Variants in PSMC6 observed in about 807,000 individuals in gnomAD.
The protein encoded by PSMC6 is proteasome 26S subunit, ATPase 6, also known as 26S proteasome regulatory subunit 10B.
PSMC6 carries 3 observed loss-of-function variants against 55.9 expected under a neutral mutation model. That is an observed-to-expected ratio of 0.05 (90% CI 0.02 to 0.14). The LOEUF (loss-of-function observed/expected upper bound fraction) is 0.14, where lower values mean the gene tolerates loss of function less well. Among genes scored for constraint, PSMC6 ranks in the 10% least tolerant of loss-of-function variants. The pLI is 1.00. For synonymous variants in PSMC6, 137 were observed against 155.9 expected (o/e 0.88, Z 0.90); for missense variants, 210 against 478.7 (o/e 0.44, Z 5.24).
chr14:52,721,717 G>A (rs2041892875), intron 12 of PSMC6: 1 of 152,530 alleles, frequency 6.6e-6, no homozygotes, highest in Non-Finnish European at 1.5e-5. Context: ...CAGGCATGAG[G>A]ATATGTTTTT....
At position 52,708,302 on chromosome 14, in the gene PSMC6, A is replaced by C. The variant is rs924919047; in HGVS notation, c.86-7A>C. ...CAATTAAAAATGTTCAAATTGTATT[A>C]TTTCAGTAAGGGAACAATTAAAAGA... On this transcript the variant is annotated splice_region_variant and splice_polypyrimidine_tract_variant and intron_variant, in intron 1 of 13. Transcript: ENST00000445930. 2.5e-6 allele frequency: 4 copies of C among 1,595,536 alleles called. No individual in the cohort carries two copies. In the African/African-American group the frequency reaches 5.4e-5, roughly 21 times the overall value.
chr14:52,723,922 G>A (rs753111290), intron 12 of PSMC6, 43 bp from the exon 13 acceptor site: 8 of 1,602,886 alleles, frequency 5.0e-6, no homozygotes, highest in Non-Finnish European at 6.8e-6. Context: ...ATCAAGTAAA[G>A]GTCTAATTTT....
At chr14:52,714,129 C>T (rs1195255761) in intron 7 of PSMC6, 161 bp downstream of exon 7, 2 of 454,188 alleles carry the variant, frequency 4.4e-6, no homozygotes, top group Non-Finnish European at 7.7e-6. Context: ...CAACCTCTGC[C>T]TTCCGGGCTC....
In PSMC6 at chr14:52,707,301, G is replaced by A; in HGVS notation, c.82G>A (p.Glu28Lys). The change falls in exon 1 of 14, where the codon GAG becomes AAG. Residue 28 changes from glutamate (E) to lysine (K), a missense_variant. Physicochemically the swap from Glu to Lys is moderately conservative, Grantham distance 56. Coordinates refer to ENST00000445930, the MANE Select transcript of PSMC6 (RefSeq NM_002806.5). ...CAAGGAGATCGACGGCCGTCTTAAG[G>A]AGTGTGAGTGCACCTTTCTTTCCAT... ...EHKEIDGRLK[E>K]LREQLKELTK... is the part of the protein sequence containing the mutation. 1 of 1,613,966 alleles carries A rather than the reference G, an allele frequency of 6.2e-7. No homozygotes were observed. The highest frequency in any genetic ancestry group is 8.5e-7 in the Non-Finnish European group (1 of 1,180,022).
chr14:52,721,521 GC>G, intron 12 of PSMC6: 1 of 176,662 alleles, frequency 5.7e-6, no homozygotes, highest in Non-Finnish European at 1.2e-5. Flanking sequence ...AAAGTGGGGG[GC>G]GGGCATGGTG....
intron 13 of PSMC6, among the ~76,000 whole-genome samples, chr14:52,724,981 A>G (rs1427016950): frequency 1.3e-5 from 2 of 152,218 alleles, no homozygotes; most frequent in Admixed American, 1.3e-4. Context: ...GGTATTGGGT[A>G]TGCTGTGAGT....
intron 8 of PSMC6, 40 bp downstream of exon 8, chr14:52,718,182 T>C (rs368897330): frequency 1.2e-6 from 2 of 1,609,330 alleles, no homozygotes; most frequent in Non-Finnish European, 1.7e-6. Context: ...AAATTTAATT[T>C]TACTTGAATT....
Position 52,711,157 on chromosome 14 carries a change from A to G in PSMC6, c.315A>G (p.Leu105=), listed in dbSNP as rs754233733. 56 of 1,613,302 alleles carry G rather than the reference A, an allele frequency of 3.5e-5. No individual in the cohort carries two copies. The highest frequency in any genetic ancestry group is 3.8e-5 in the Non-Finnish European group (45 of 1,179,464). ...GTRVALDMTT[L]TIMRYLPREV... ...GAGTTGCTTTGGATATGACTACACT[A>G]ACTATCATGAGGTGGGTTTCTTATT... The change falls in exon 5 of 14, where the codon CTA becomes CTG. Residue 105 remains leucine (L), a synonymous_variant. Transcript: ENST00000445930.
chr14:52,710,077 GGTCA>G (rs2041750911), intron 4 of PSMC6: 1 of 153,000 alleles, frequency 6.5e-6, no homozygotes, highest in Non-Finnish European at 1.5e-5. Flanking sequence ...TGTGACAAGT[GGTCA>G]GTAATTTATA....
Position 52,717,247 on chromosome 14 carries a change from ATTTAT to A in PSMC6, c.530-831_530-827del, listed in dbSNP as rs2041839770. On this transcript the variant is annotated intron_variant, in intron 7 of 13. Coordinates refer to ENST00000445930, the MANE Select transcript of PSMC6 (RefSeq NM_002806.5). Reference sequence around the variant, plus strand: ...TCATAATTTAACCCATAAATATACAATTTATTTGTCAATTTAAAATAGATTTTAAA... The same window carrying A: ...TCATAATTTAACCCATAAATATACAATTGTCAATTTAAAATAGATTTTAAA... Among the ~76,000 whole-genome samples the A allele has an allele frequency of 2.6e-5, 4 of 152,132 alleles. No individual in the cohort carries two copies. In the South Asian group the frequency reaches 8.3e-4, roughly 32 times the overall value.
chr14:52,710,781 T>G lies in PSMC6; in HGVS notation c.259-320T>G, dbSNP rs1270864717. 3 of 331,134 alleles carry G rather than the reference T, an allele frequency of 9.1e-6. No individual in the cohort carries two copies. The East Asian group carries it at 2.4e-4, about 26-fold the overall frequency. The allele number at this position is 331,134 out of a possible 1,614,324, so 20.5% of individuals were successfully genotyped here. Reference sequence around the variant, plus strand: ...GCTTCCCTTTCCTTTCCCTAAAATGTTCACTAAGGGATTTTTCTATAAATG... The same window carrying G: ...GCTTCCCTTTCCTTTCCCTAAAATGGTCACTAAGGGATTTTTCTATAAATG... On this transcript the variant is annotated intron_variant, in intron 4 of 13. Coordinates refer to ENST00000445930, the MANE Select transcript of PSMC6 (RefSeq NM_002806.5).
intron 7 of PSMC6, among the ~76,000 whole-genome samples, chr14:52,715,785 T>A (rs2041824124): frequency 6.6e-6 from 1 of 151,912 alleles, no homozygotes; most frequent in Non-Finnish European, 1.5e-5. Flanking sequence ...CCAGGCTAAT[T>A]TTTGTGTTTT....
At chr14:52,714,404 G>C (rs1212577126) in intron 7 of PSMC6, among the ~76,000 whole-genome samples, 2 of 152,096 alleles carry the variant, frequency 1.3e-5, no homozygotes, top group African/African-American at 2.4e-5. Context: ...AATGAGATAG[G>C]ATATTTATGT....
chr14:52,723,782 C>T (rs1880288064), intron 12 of PSMC6, 183 bp from the exon 13 acceptor site: 1 of 1,348,606 alleles, frequency 7.4e-7, no homozygotes, highest in Admixed American at 3.3e-5. Context: ...TCTAATTCTT[C>T]TTGGTGCTGG....
intron 13 of PSMC6, among the ~76,000 whole-genome samples, chr14:52,725,817 G>T (rs975126506): frequency 6.6e-6 from 1 of 152,168 alleles, no homozygotes; most frequent in African/African-American, 2.4e-5. Flanking sequence ...GCCTGGCCAG[G>T]CATCTCTTGT....
At chr14:52,710,984 A>AT in intron 4 of PSMC6, 117 bp from the exon 5 acceptor site, 1 of 900,566 alleles carries the variant, frequency 1.1e-6, no homozygotes, top group Non-Finnish European at 1.8e-6. Flanking sequence ...ATAATCTGAT[A>AT]TTTGTGTTCT....
intron 12 of PSMC6, 88 bp downstream of exon 12, chr14:52,721,278 G>A (rs1310524293): frequency 9.4e-6 from 11 of 1,169,970 alleles, no homozygotes; most frequent in Non-Finnish European, 1.1e-5. Flanking sequence ...CCTAAATCTG[G>A]TTTTAAATTC....
At chr14:52,712,343 A>G (rs2041782041) in intron 6 of PSMC6, among the ~76,000 whole-genome samples, 1 of 148,206 alleles carries the variant, frequency 6.7e-6, no homozygotes, top group Admixed American at 6.9e-5. Context: ...ATGAAACCAA[A>G]TTTTTCTTTG....
At position 52,720,903 on chromosome 14, in the gene PSMC6, A is replaced by G; in HGVS notation, c.820A>G (p.Lys274Glu). 6.2e-7 allele frequency: 1 copy of G among 1,610,338 alleles called. No individual in the cohort carries two copies. The highest frequency in any genetic ancestry group is 8.5e-7 in the Non-Finnish European group (1 of 1,176,726). ...MDGFDTLHRV[K>E]MIMATNRPDT... ...TGGATTTGATACTCTGCATAGAGTT[A>G]AAATGATCATGGCTACAAACAGACC... is the stretch of plus-strand genomic sequence containing the variant. Residue 274 changes from lysine to glutamate, a missense_variant, in exon 11 of 14, where the codon AAA becomes GAA. Coordinates refer to ENST00000445930, the MANE Select transcript of PSMC6 (RefSeq NM_002806.5).
Sources: allele counts gnomAD v4.1 joint callset (sites outside exome capture counted in the v4.1 genomes callset), GRCh38; gene constraint gnomAD v4.1.1; transcripts MANE v1.5; gene names NCBI Gene and HGNC (gene_info 2026-07-23, HGNC 2026-07-21).